FREM1: variants seen among roughly 807,000 people sequenced by gnomAD.
FREM1 encodes FRAS1 related extracellular matrix 1, also known as FRAS1-related extracellular matrix protein 1.
Under a neutral mutation model 210.1 loss-of-function variants are expected in FREM1, and 220 were observed. That is an observed-to-expected ratio of 1.05 (90% CI 0.94 to 1.17). FREM1 has a LOEUF of 1.17. Ranked by LOEUF, FREM1 falls within the 50% of genes most tolerant of loss-of-function variation. The pLI, the probability that FREM1 is intolerant of heterozygous loss-of-function variation, is 0.00. For missense variants in FREM1, 3,454 were observed against 2,675.5 expected, an observed-to-expected ratio of 1.29 and a Z score of -6.42; for synonymous variants, 1,189 against 980.2, an observed-to-expected ratio of 1.21 and a Z score of -3.98.
chr9:14,833,716 G>T (rs1824002629), intron 10 of FREM1, among the ~76,000 whole-genome samples: 1 of 152,254 alleles, frequency 6.6e-6, no homozygotes, highest in East Asian at 1.9e-4. Flanking sequence ...ATTAAGAGTG[G>T]ATATTCAAGT....
At chr9:14,789,706 T>C (rs1850981909) in intron 22 of FREM1, among the ~76,000 whole-genome samples, 1 of 152,146 alleles carries the variant, frequency 6.6e-6, no homozygotes, top group Non-Finnish European at 1.5e-5. Context: ...AAACTGCAAA[T>C]ATCGTATATT....
intron 19 of FREM1, among the ~76,000 whole-genome samples, chr9:14,802,777 T>C (rs1439818897): frequency 2.0e-5 from 3 of 152,206 alleles, no homozygotes; most frequent in South Asian, 2.1e-4. Context: ...CTATGCTACA[T>C]AGTATTCTCA....
chr9:14,798,409 G>C (rs562694978), intron 20 of FREM1, among the ~76,000 whole-genome samples: 5 of 152,028 alleles, frequency 3.3e-5, no homozygotes, highest in African/African-American at 1.2e-4. Context: ...CCAGGAGTTC[G>C]AGGCCAGTTC....
chr9:14,821,585 G>A (rs143398624), intron 13 of FREM1, among the ~76,000 whole-genome samples: 105 of 152,292 alleles, frequency 6.9e-4, no homozygotes, highest in African/African-American at 2.4e-3. Context: ...TTCACCACCG[G>A]GAATATGATC....
In FREM1 at chr9:14,748,611, G is replaced by A. The variant is rs1477577117; in HGVS notation, c.5586C>T (p.Asn1862=). 1.2e-6 allele frequency: 2 copies of A among 1,613,530 alleles called. No homozygotes were observed. The highest frequency in any genetic ancestry group is 1.7e-6 in the Non-Finnish European group (2 of 1,179,618). The change falls in exon 31 of 37, where the codon AAC becomes AAT. Residue 1862 remains asparagine, a synonymous_variant. Transcript: ENST00000380880. ...GGQCHPSYSS[N]QSKHSTWEKG... is the part of the protein sequence containing the mutation. ...TCTCCCATGTGCTGTGCTTGCTTTG[G>A]TTGGAGGAATATGAAGGATGGCATT...
intron 14 of FREM1, among the ~76,000 whole-genome samples, chr9:14,817,654 T>G (rs1311596291): frequency 1.3e-5 from 2 of 152,146 alleles, no homozygotes; most frequent in East Asian, 3.9e-4. Flanking sequence ...AAAGTTGTAT[T>G]AAAAAATAAT....
chr9:14,823,398 G>T, intron 12 of FREM1, 71 bp from the exon 13 acceptor site: 1 of 1,342,370 alleles, frequency 7.4e-7, no homozygotes, highest in South Asian at 1.4e-5. Flanking sequence ...AGGTCCAAGA[G>T]AACCATCATG....
At chr9:14,852,284 C>T (rs889693464) in intron 5 of FREM1, among the ~76,000 whole-genome samples, 1 of 152,186 alleles carries the variant, frequency 6.6e-6, no homozygotes, top group Non-Finnish European at 1.5e-5. Context: ...GCCACTGAGG[C>T]TAGGCATGCA....
At chr9:14,864,816 G>A (rs966553030) in intron 2 of FREM1, among the ~76,000 whole-genome samples, 1 of 152,140 alleles carries the variant, frequency 6.6e-6, no homozygotes, top group Non-Finnish European at 1.5e-5. Context: ...TTCACTCAGA[G>A]AAGACTTTAC....
At chr9:14,766,627 A>G (rs72614221) in intron 27 of FREM1, among the ~76,000 whole-genome samples, 16,063 of 152,154 alleles carry the variant, frequency 0.11, 1,154 homozygotes, top group East Asian at 0.32. Context: ...GCAATAGCCA[A>G]AACTGACCAA....
rs750720207 is a variant in FREM1 at position 14,746,944 on chromosome 9, T to G, written c.6117A>C (p.Lys2039Asn). 1 of 1,613,296 alleles carries G rather than the reference T, an allele frequency of 6.2e-7. No individual in the cohort carries two copies. Among genetic ancestry groups the G allele is most frequent in the East Asian group, 2.2e-5 (1 of 44,862 alleles). ...KLYQCNGIAW[K>N]AWSPQTKDVE... ...CTACCTTGGTTTGGGGACTCCAGGCTTTCCAGGCGATCCCATTGCACTGAT... is the reference window on the plus strand; with the variant it reads ...CTACCTTGGTTTGGGGACTCCAGGCGTTCCAGGCGATCCCATTGCACTGAT... Residue 2039 changes from lysine (K) to asparagine (N), a missense_variant, in exon 34 of 37, where the codon AAA (lysine) becomes AAC (asparagine). Transcript: ENST00000380880.
chr9:14,807,987 T>C lies in FREM1; in HGVS notation c.3041A>G (p.Asn1014Ser). The C allele has an allele frequency of 6.2e-7, 1 of 1,613,878 alleles. No homozygotes were observed. Among genetic ancestry groups the C allele is most frequent in the Non-Finnish European group, 8.5e-7 (1 of 1,179,806 alleles). ...LHASFPVYDL[N>S]ITVYPVDNQP... ...GTTGTCTACTGGGTATACCGTGATGTTGAGATCATACACTGGAAAGGACGC... is the reference window on the plus strand; with the variant it reads ...GTTGTCTACTGGGTATACCGTGATGCTGAGATCATACACTGGAAAGGACGC... The change falls in exon 17 of 37, where the codon AAC becomes AGC. Residue 1014 changes from asparagine to serine, a missense_variant. Coordinates refer to ENST00000380880, the MANE Select transcript of FREM1 (RefSeq NM_001379081.2).
intron 1 of FREM1, among the ~76,000 whole-genome samples, chr9:14,908,339 A>G (rs1818142846): frequency 6.6e-6 from 1 of 152,252 alleles, no homozygotes; most frequent in African/African-American, 2.4e-5. Flanking sequence ...GCCTCGCCCA[A>G]CCCCTACAGC....
chr9:14,783,010 T>A (rs1193751125), intron 24 of FREM1, among the ~76,000 whole-genome samples: 1 of 152,158 alleles, frequency 6.6e-6, no homozygotes, highest in Non-Finnish European at 1.5e-5. Flanking sequence ...AATCCCCACA[T>A]CTCACATTTT....
In FREM1 at chr9:14,760,298, T is replaced by A. The variant is rs902571617; in HGVS notation, c.5205-397A>T. 5.3e-5 allele frequency among the ~76,000 whole-genome samples: 8 copies of A among 152,216 alleles called. 1 individual carries two copies. The highest frequency in any genetic ancestry group is 1.9e-4 in the African/African-American group (8 of 41,460). On this transcript the variant is annotated intron_variant, in intron 27 of 36. Transcript: ENST00000380880. ...AGACACTGATAGGAAGTCTTCTATCTTATCATTTAGATAAGGATAATTGGT... is the reference window on the plus strand; with the variant it reads ...AGACACTGATAGGAAGTCTTCTATCATATCATTTAGATAAGGATAATTGGT...
chr9:14,891,634 T>C (rs1224399277), intron 1 of FREM1, among the ~76,000 whole-genome samples: 2 of 152,136 alleles, frequency 1.3e-5, no homozygotes, highest in African/African-American at 4.8e-5. Flanking sequence ...TAGGACTAAA[T>C]AGGAAGGCAG....
At chr9:14,861,204 CACATATACAT>C (rs1453518264) in intron 3 of FREM1, among the ~76,000 whole-genome samples, 20 of 99,988 alleles carry the variant, frequency 2.0e-4, no homozygotes, top group East Asian at 1.4e-3. Context: ...CATATATACA[CACATATACAT>C]ATATACACAT....
intron 36 of FREM1, among the ~76,000 whole-genome samples, chr9:14,739,459 T>C (rs1457653359): frequency 7.4e-6 from 1 of 135,760 alleles, no homozygotes; most frequent in African/African-American, 2.8e-5. Context: ...AATATATATA[T>C]ATATATATAT....
chr9:14,748,647 C>A lies in FREM1; in HGVS notation c.5558-8G>T. On this transcript the variant is annotated splice_region_variant and splice_polypyrimidine_tract_variant and intron_variant, in intron 30 of 36. Coordinates refer to ENST00000380880, the MANE Select transcript of FREM1 (RefSeq NM_001379081.2). ...ATGAAGGATGGCATTGTCCTGGAGG[C>A]ATGCAAGATGGCAGGCGGTCAGTTC... 6.3e-7 allele frequency: 1 copy of A among 1,574,952 alleles called. No individual in the cohort carries two copies. The highest frequency in any genetic ancestry group is 1.1e-5 in the South Asian group (1 of 88,196).
Sources: gnomAD v4.1 joint callset for allele counts (sites outside exome capture counted in the v4.1 genomes callset) on GRCh38, gnomAD v4.1.1 for gene constraint, MANE v1.5 for transcripts, NCBI Gene and HGNC (gene_info 2026-07-23, HGNC 2026-07-21) for gene names.